TG: variants seen among roughly 807,000 people sequenced by gnomAD.
TG encodes thyroglobulin.
Under a neutral mutation model 324.7 loss-of-function variants are expected in TG, and 270 were observed. The ratio of observed to expected loss-of-function variants is 0.83; its 90% confidence interval spans 0.75 to 0.92. The LOEUF (loss-of-function observed/expected upper bound fraction) is 0.92, where lower values mean the gene tolerates loss of function less well. Ranked by LOEUF, TG falls within the 40% of genes least tolerant of loss-of-function variation. The pLI is 0.00. For synonymous variants in TG, 1,401 were observed against 1,327.0 expected (o/e 1.06, Z -1.21); for missense variants, 3,591 against 3,456.4 (o/e 1.04, Z -0.98).
At chr8:132,910,895 G>A (rs1359604108) in intron 18 of TG, among the ~76,000 whole-genome samples, 4 of 152,162 alleles carry the variant, frequency 2.6e-5, no homozygotes, top group South Asian at 4.1e-4. Flanking sequence ...ACAACCGTCT[G>A]TCTTTCTCCC....
intron 32 of TG, 26 bp from the exon 33 acceptor site, chr8:132,971,768 G>A (rs374627405): frequency 5.1e-6 from 8 of 1,574,314 alleles, no homozygotes; most frequent in Admixed American, 5.0e-5. Flanking sequence ...AAACCTTCAG[G>A]CCTGCTCTTT....
At chr8:133,077,679 C>T (rs928543682) in intron 41 of TG, among the ~76,000 whole-genome samples, 4 of 151,988 alleles carry the variant, frequency 2.6e-5, no homozygotes, top group South Asian at 2.1e-4. Context: ...TAACCCCAAG[C>T]GGGGTCTCAG....
rs748216915 is a variant in TG, at chr8:132,887,973, T to C, written c.2177-11T>C. On this transcript the variant is annotated splice_polypyrimidine_tract_variant and intron_variant, in intron 9 of 47. Coordinates refer to ENST00000220616, the MANE Select transcript of TG (RefSeq NM_003235.5). ...CTTAAACTGAAACACCTGCTCATTGTTCCTCCCCAGGCCCCACGCCCTGTC... is the reference window on the plus strand; with the variant it reads ...CTTAAACTGAAACACCTGCTCATTGCTCCTCCCCAGGCCCCACGCCCTGTC... The C allele has an allele frequency of 4.3e-6, 7 of 1,610,356 alleles. No homozygotes were observed. In the South Asian group the frequency reaches 6.6e-5, roughly 15 times the overall value.
chr8:133,108,843 C>T (rs1850043099), intron 43 of TG, among the ~76,000 whole-genome samples: 1 of 152,226 alleles, frequency 6.6e-6, no homozygotes, highest in Admixed American at 6.5e-5. Context: ...AATAAACTAA[C>T]ATCACAGCAC....
chr8:132,994,670 G>A, intron 35 of TG: 4 of 1,284,752 alleles, frequency 3.1e-6, no homozygotes, highest in South Asian at 1.2e-5. Flanking sequence ...CCTCCTGAAG[G>A]AACTCAGTTT....
chr8:132,911,788 G>T (rs894919241), intron 19 of TG, among the ~76,000 whole-genome samples: 1 of 152,238 alleles, frequency 6.6e-6, no homozygotes, highest in Admixed American at 6.5e-5. Flanking sequence ...TTTTCTGCGT[G>T]CAGAGAGGTG....
chr8:132,959,243 C>G (rs753197600), intron 27 of TG, among the ~76,000 whole-genome samples: 1 of 152,210 alleles, frequency 6.6e-6, no homozygotes, highest in Non-Finnish European at 1.5e-5. Flanking sequence ...CCTCTTTAAA[C>G]ACAAACACCT....
intron 40 of TG, among the ~76,000 whole-genome samples, chr8:133,028,082 T>A (rs553647054): frequency 2.0e-5 from 3 of 152,274 alleles, no homozygotes; most frequent in South Asian, 2.1e-4. Context: ...ACCCCAGAAG[T>A]CAACATTGAC....
intron 23 of TG, 149 bp from the exon 24 acceptor site, chr8:132,933,411 TG>T: frequency 6.4e-6 from 2 of 311,794 alleles, no homozygotes; most frequent in South Asian, 6.2e-5. Context: ...GAGGGGGGTG[TG>T]TGTATTTGTG....
chr8:133,050,289 G>A (rs1840158571), intron 41 of TG: 1 of 421,888 alleles, frequency 2.4e-6, no homozygotes, highest in Non-Finnish European at 4.4e-6. Flanking sequence ...AAAAATAAAT[G>A]TTTACTATGT....
At chr8:132,943,592 T>G (rs926174) in intron 26 of TG, among the ~76,000 whole-genome samples, 82,635 of 151,900 alleles carry the variant, frequency 0.54, 23,264 homozygotes, top group Non-Finnish European at 0.61. Flanking sequence ...GGCAGATACA[T>G]TGTTCTTAGC....
At position 132,971,958 on chromosome 8, in the gene TG, C is replaced by A. The variant is rs1829583794; in HGVS notation, c.6055+85C>A. On this transcript the variant is annotated intron_variant, in intron 33 of 47. Transcript: ENST00000220616. ...ATTCACATCTATGCTTTTACAAATC[C>A]TCAGCATCTCCTATCCTCGTTCACA... The A allele has an allele frequency of 2.7e-5, 26 of 970,272 alleles. No individual in the cohort carries two copies. In the South Asian group the frequency reaches 3.4e-4, roughly 13 times the overall value. The allele number at this position is 970,272 out of a possible 1,614,324, so 60.1% of individuals were successfully genotyped here.
intron 41 of TG, among the ~76,000 whole-genome samples, chr8:133,078,198 T>TG (rs1220122413): frequency 6.6e-6 from 1 of 152,018 alleles, no homozygotes; most frequent in African/African-American, 2.4e-5. Flanking sequence ...AGGAACTGGT[T>TG]TGTGGTCTGT....
chr8:132,942,236 C>A (rs1051128538), intron 26 of TG, among the ~76,000 whole-genome samples: 1 of 152,180 alleles, frequency 6.6e-6, no homozygotes, highest in Non-Finnish European at 1.5e-5. Flanking sequence ...TTGCACTTCC[C>A]TTGTTTATAA....
chr8:132,967,037 C>T (rs925473821), intron 30 of TG, among the ~76,000 whole-genome samples: 4 of 145,972 alleles, frequency 2.7e-5, no homozygotes, highest in Admixed American at 6.7e-5. Context: ...ATCCCATCCA[C>T]CCATCCATCC....
intron 41 of TG, among the ~76,000 whole-genome samples, chr8:133,059,841 G>T (rs1842106052): frequency 6.6e-6 from 1 of 152,202 alleles, no homozygotes. Context: ...AAAATAAAGT[G>T]ATTAAACCAG....
At chr8:133,133,075 A>G (rs1164417996) in intron 46 of TG, among the ~76,000 whole-genome samples, 1 of 152,222 alleles carries the variant, frequency 6.6e-6, no homozygotes, top group Non-Finnish European at 1.5e-5. Flanking sequence ...GCTGGCCTAC[A>G]GATTCACCCT....
intron 10 of TG, among the ~76,000 whole-genome samples, chr8:132,893,168 G>GGT (rs569385598): frequency 7.4e-6 from 1 of 135,138 alleles, no homozygotes; most frequent in African/African-American, 2.8e-5. Context: ...TGGTGAGTGT[G>GGT]GTGTGTGTGT....
At chr8:133,050,697 C>T in intron 41 of TG, 1 of 697,362 alleles carries the variant, frequency 1.4e-6, no homozygotes, top group East Asian at 2.6e-5. Flanking sequence ...TTTCTCACCT[C>T]ATAATAGGAC....
Sources: gnomAD v4.1 joint callset for allele counts (sites outside exome capture counted in the v4.1 genomes callset) on GRCh38, gnomAD v4.1.1 for gene constraint, MANE v1.5 for transcripts, NCBI Gene and HGNC (gene_info 2026-07-23, HGNC 2026-07-21) for gene names.